MGST1: variants seen among roughly 807,000 people sequenced by gnomAD.
The protein encoded by MGST1 is microsomal glutathione S-transferase 1, also known as glutathione S-transferase 12.
MGST1 carries 5 observed loss-of-function variants against 8.9 expected under a neutral mutation model. The ratio of observed to expected loss-of-function variants is 0.56; its 90% CI spans 0.29 to 1.19. The LOEUF (loss-of-function observed/expected upper bound fraction) is 1.19. Among genes scored for constraint, MGST1 ranks in the 50% most tolerant of loss-of-function variants. The probability of loss-of-function intolerance (pLI) is 0.08; values close to 1 mark genes in which losing one functional copy is unlikely to be tolerated. For missense variants in MGST1, 182 were observed against 187.4 expected (o/e 0.97, Z 0.17); for synonymous variants, 54 against 67.8 (o/e 0.80, Z 1.00).
rs535490476 is a variant in MGST1 at position 16,510,017 on chromosome 12, T to C, written n.483-79511T>C. Reference sequence around the variant, plus strand: ...TATAAGAATTAAATAGAGTATTCTATGTAAAAGAGTTAAAACAGTGCTGGC... The same window carrying C: ...TATAAGAATTAAATAGAGTATTCTACGTAAAAGAGTTAAAACAGTGCTGGC... On this transcript the variant is annotated intron_variant and non_coding_transcript_variant, in intron 4 of 4. Coordinates refer to the MGST1 transcript ENST00000538857. 7.9e-5 allele frequency among the ~76,000 whole-genome samples: 12 copies of C among 152,346 alleles called. No individual in the cohort carries two copies. In the South Asian group the frequency reaches 2.1e-3, roughly 26 times the overall value.
chr12:16,566,507 C>G (rs1384340116), intron 4 of MGST1, among the ~76,000 whole-genome samples: 5 of 151,978 alleles, frequency 3.3e-5, no homozygotes, highest in African/African-American at 1.2e-4. Context: ...ATTGAAACAT[C>G]AGACTGTACC....
At chr12:16,523,875 CG>C (rs1941664993) in intron 4 of MGST1, among the ~76,000 whole-genome samples, 1 of 151,956 alleles carries the variant, frequency 6.6e-6, no homozygotes, top group East Asian at 1.9e-4. Context: ...GCATATTGTC[CG>C]GTGAAGTAAC....
At chr12:16,430,323 C>G (rs1940926747) in intron 1 of MGST1, among the ~76,000 whole-genome samples, 1 of 152,154 alleles carries the variant, frequency 6.6e-6, no homozygotes, top group African/African-American at 2.4e-5. Context: ...TTGACCTCCT[C>G]CCATGAATCA....
chr12:16,430,850 C>A (rs1565453265), intron 1 of MGST1, among the ~76,000 whole-genome samples: 2 of 152,178 alleles, frequency 1.3e-5, no homozygotes, highest in Admixed American at 6.6e-5. Context: ...TCCTTTGAAG[C>A]TTTCAAGCCA....
chr12:16,520,450 CAG>C (rs570120453), intron 4 of MGST1, among the ~76,000 whole-genome samples: 266 of 150,894 alleles, frequency 1.8e-3, no homozygotes, highest in African/African-American at 6.2e-3. Flanking sequence ...AGGGGAGACT[CAG>C]GGCAATTTTC....
chr12:16,498,884 T>G (rs532985411), intron 4 of MGST1, among the ~76,000 whole-genome samples: 2 of 152,306 alleles, frequency 1.3e-5, no homozygotes, highest in African/African-American at 2.4e-5. Flanking sequence ...AATTTTAGAA[T>G]ACAGAACCAT....
intron 4 of MGST1, among the ~76,000 whole-genome samples, chr12:16,539,190 CT>C (rs2137210164): frequency 6.6e-6 from 1 of 152,278 alleles, no homozygotes; most frequent in Non-Finnish European, 1.5e-5. Context: ...AACATATAAT[CT>C]ATCACTCTGA....
intron 1 of MGST1, among the ~76,000 whole-genome samples, chr12:16,405,785 C>T (rs1053890709): frequency 6.6e-6 from 1 of 152,120 alleles, no homozygotes; most frequent in Non-Finnish European, 1.5e-5. Flanking sequence ...TGTGATTCAT[C>T]ACATAAACAA....
intron 4 of MGST1, among the ~76,000 whole-genome samples, chr12:16,567,151 G>A (rs1236830231): frequency 6.6e-6 from 1 of 152,042 alleles, no homozygotes; most frequent in East Asian, 1.9e-4. Flanking sequence ...AGCTGAGATC[G>A]TGCCATTGCA....
chr12:16,456,373 TA>T (rs1180567479), intron 4 of MGST1, among the ~76,000 whole-genome samples: 1 of 151,850 alleles, frequency 6.6e-6, no homozygotes, highest in Admixed American at 6.6e-5. Flanking sequence ...AGAAGCTGAA[TA>T]AAAAAATATA....
downstream of MGST1, among the ~76,000 whole-genome samples, chr12:16,378,557 G>C (rs1940416101): frequency 6.6e-6 from 1 of 151,850 alleles, no homozygotes; most frequent in African/African-American, 2.4e-5. Context: ...TAGCCTTGTA[G>C]TATAGTTTGA....
chr12:16,400,945 C>G, intron 1 of MGST1: 1 of 1,337,458 alleles, frequency 7.5e-7, no homozygotes, highest in Non-Finnish European at 1.1e-6. Flanking sequence ...TTTGTTCAGT[C>G]AGTCACCTCT....
At chr12:16,351,862 T>C (rs1039721612) in intron 1 of MGST1, among the ~76,000 whole-genome samples, 2 of 152,140 alleles carry the variant, frequency 1.3e-5, no homozygotes, top group African/African-American at 4.8e-5. Context: ...GTAGCTTTGA[T>C]TTCTTTATCT....
chr12:16,543,633 G>T (rs1183904532), intron 4 of MGST1, among the ~76,000 whole-genome samples: 1 of 151,820 alleles, frequency 6.6e-6, no homozygotes, highest in East Asian at 1.9e-4. Context: ...CATTTAATCT[G>T]CAATAAAATG....
intron 1 of MGST1, among the ~76,000 whole-genome samples, chr12:16,404,365 G>T (rs1940682974): frequency 6.6e-6 from 1 of 151,906 alleles, no homozygotes; most frequent in African/African-American, 2.4e-5. Flanking sequence ...CATATAATTA[G>T]ATTCTTTTTA....
intron 1 of MGST1, among the ~76,000 whole-genome samples, chr12:16,348,482 T>C (rs1006255945): frequency 6.6e-6 from 1 of 151,794 alleles, no homozygotes; most frequent in African/African-American, 2.4e-5. Flanking sequence ...GAGAGAGGAG[T>C]GCATGTAAAT....
chr12:16,399,368 CT>C, intron 1 of MGST1: 1 of 1,528,788 alleles, frequency 6.5e-7, no homozygotes. Flanking sequence ...GCACAGATGC[CT>C]TCCTCTTCTG....
rs73052214 is a variant in MGST1 at position 16,510,103 on chromosome 12, C to T, written n.483-79425C>T. ...TTCTCACACAAACCTTAAAAGGAAG[C>T]TCAGATAATCCTGGCTTCTTCTTGC... On this transcript the variant is annotated intron_variant and non_coding_transcript_variant, in intron 4 of 4. Coordinates refer to the MGST1 transcript ENST00000538857. 7.5e-3 allele frequency among the ~76,000 whole-genome samples: 1,146 copies of T among 152,342 alleles called. 6 individuals carry two copies. Among genetic ancestry groups the T allele is most frequent in the Non-Finnish European group, 0.013 (861 of 68,030 alleles).
chr12:16,490,743 C>T lies in MGST1; in HGVS notation n.483-98785C>T, dbSNP rs144053189. ...GGTCATGTAAAGAATGGGGTAGATTCAGGATTGAAAATCAAGCTGTATGAC... is the reference window on the plus strand; with the variant it reads ...GGTCATGTAAAGAATGGGGTAGATTTAGGATTGAAAATCAAGCTGTATGAC... On this transcript the variant is annotated intron_variant and non_coding_transcript_variant, in intron 4 of 4. Coordinates refer to the MGST1 transcript ENST00000538857. 5.7e-3 allele frequency among the ~76,000 whole-genome samples: 872 copies of T among 152,180 alleles called. 6 individuals carry two copies. Among genetic ancestry groups the T allele is most frequent in the African/African-American group, 0.02 (828 of 41,518 alleles).
Sources: gnomAD v4.1 joint callset for allele counts (sites outside exome capture counted in the v4.1 genomes callset) on GRCh38, gnomAD v4.1.1 for gene constraint, MANE v1.5 for transcripts, NCBI Gene and HGNC (gene_info 2026-07-23, HGNC 2026-07-21) for gene names.